FHIT: variants seen among roughly 807,000 people sequenced by gnomAD.
The protein encoded by FHIT is fragile histidine triad diadenosine triphosphatase, also known as bis(5'-adenosyl)-triphosphatase.
In FHIT, 19 loss-of-function variants were observed where a neutral mutation model predicts 17.9. That is an observed-to-expected ratio of 1.06 (90% confidence interval 0.74 to 1.56). The LOEUF (loss-of-function observed/expected upper bound fraction) is 1.56, where lower values mean the gene tolerates loss of function less well. Ranked by LOEUF, FHIT falls within the 40% of genes most tolerant of loss-of-function variation. FHIT has a pLI of 0.00. For missense variants in FHIT, 248 were observed against 189.2 expected (o/e 1.31, Z -1.82); for synonymous variants, 81 against 69.7 (o/e 1.16, Z -0.81).
At chr3:60,125,703 C>T (rs1211002710) in intron 5 of FHIT, among the ~76,000 whole-genome samples, 3 of 150,884 alleles carry the variant, frequency 2.0e-5, no homozygotes, top group African/African-American at 4.9e-5. Context: ...TATATATGTA[C>T]ACACACACGT....
At chr3:61,124,031 A>G (rs374162786) in intron 2 of FHIT, among the ~76,000 whole-genome samples, 8 of 152,300 alleles carry the variant, frequency 5.3e-5, no homozygotes, top group African/African-American at 1.9e-4. Context: ...ACTGAAAGCA[A>G]AAGTTATGAA....
chr3:60,340,309 T>G (rs7627733), intron 5 of FHIT, among the ~76,000 whole-genome samples: 1 of 152,180 alleles, frequency 6.6e-6, no homozygotes, highest in Non-Finnish European at 1.5e-5. Context: ...GAAAAACATA[T>G]GGCTTTCTTT....
At chr3:61,079,395 A>ATG (rs2035064546) in intron 2 of FHIT, among the ~76,000 whole-genome samples, 1 of 152,028 alleles carries the variant, frequency 6.6e-6, no homozygotes, top group Non-Finnish European at 1.5e-5. Context: ...AAATTTGGAT[A>ATG]CCAGTCTGTT....
chr3:59,853,686 G>T (rs1337947410), intron 8 of FHIT, among the ~76,000 whole-genome samples: 1 of 151,986 alleles, frequency 6.6e-6, no homozygotes, highest in African/African-American at 2.4e-5. Flanking sequence ...TCTATTGTGG[G>T]TGTGCATGTG....
chr3:60,091,725 G>C (rs576859533), intron 5 of FHIT, among the ~76,000 whole-genome samples: 110 of 152,174 alleles, frequency 7.2e-4, no homozygotes, highest in African/African-American at 2.5e-3. Context: ...CATGAGATCT[G>C]GCTGTTTAAA....
chr3:61,153,562 T>A (rs1043531906), intron 2 of FHIT, among the ~76,000 whole-genome samples: 2 of 152,134 alleles, frequency 1.3e-5, no homozygotes, highest in Admixed American at 6.5e-5. Context: ...ACATGACAGA[T>A]CATTTTGGTG....
chr3:60,661,625 C>T (rs1430793860), intron 4 of FHIT, among the ~76,000 whole-genome samples: 1 of 152,148 alleles, frequency 6.6e-6, no homozygotes, highest in Non-Finnish European at 1.5e-5. Flanking sequence ...TAAGGAATCT[C>T]CACGCTGTTT....
chr3:60,039,061 G>A (rs1408562252), intron 5 of FHIT, among the ~76,000 whole-genome samples: 1 of 152,118 alleles, frequency 6.6e-6, no homozygotes, highest in Non-Finnish European at 1.5e-5. Context: ...CCATCTCAGT[G>A]GCTTCTATAT....
intron 3 of FHIT, among the ~76,000 whole-genome samples, chr3:60,899,120 T>C (rs1553762588): frequency 1.3e-5 from 2 of 152,226 alleles, no homozygotes; most frequent in African/African-American, 4.8e-5. Flanking sequence ...CAGTTTAGGG[T>C]TCCAAAAGCT....
chr3:60,136,018 G>A (rs912035264), intron 5 of FHIT, among the ~76,000 whole-genome samples: 1 of 152,062 alleles, frequency 6.6e-6, no homozygotes, highest in Non-Finnish European at 1.5e-5. Flanking sequence ...GTAATTGCTG[G>A]TTTACTGTCC....
intron 8 of FHIT, among the ~76,000 whole-genome samples, chr3:59,919,662 A>G (rs906602999): frequency 1.3e-5 from 2 of 152,170 alleles, no homozygotes; most frequent in Admixed American, 6.5e-5. Context: ...ATAATTTTCT[A>G]TGTCTGCAGC....
intron 3 of FHIT, among the ~76,000 whole-genome samples, chr3:61,023,618 C>A (rs1038820105): frequency 2.0e-5 from 3 of 152,134 alleles, no homozygotes; most frequent in Admixed American, 6.5e-5. Flanking sequence ...ATTACAGTAA[C>A]CAAAACAGCA....
intron 5 of FHIT, among the ~76,000 whole-genome samples, chr3:60,229,042 A>C (rs1469023873): frequency 1.3e-5 from 2 of 152,188 alleles, no homozygotes; most frequent in East Asian, 1.9e-4. Context: ...CCTGACCCAC[A>C]TATTAATAAC....
intron 8 of FHIT, among the ~76,000 whole-genome samples, chr3:59,798,673 G>A (rs898941949): frequency 4.6e-5 from 7 of 152,232 alleles, no homozygotes; most frequent in Non-Finnish European, 8.8e-5. Context: ...CTTTGGGTTT[G>A]GGAAGACCCG....
At chr3:60,972,659 C>G (rs1009817095) in intron 3 of FHIT, among the ~76,000 whole-genome samples, 3 of 151,888 alleles carry the variant, frequency 2.0e-5, no homozygotes, top group African/African-American at 4.8e-5. Flanking sequence ...ACTTATGCCC[C>G]ATCTTCCCTG....
chr3:60,010,551 C>G (rs1008985027), intron 7 of FHIT, among the ~76,000 whole-genome samples: 1 of 152,204 alleles, frequency 6.6e-6, no homozygotes, highest in African/African-American at 2.4e-5. Context: ...AAGCATTAAA[C>G]TTTATTTCAA....
chr3:60,087,292 G>A (rs1271205987), intron 5 of FHIT, among the ~76,000 whole-genome samples: 3 of 152,160 alleles, frequency 2.0e-5, no homozygotes, highest in Non-Finnish European at 4.4e-5. Flanking sequence ...TGGTTGTGAA[G>A]ATCTTTGAAA....
At position 61,215,976 on chromosome 3, in the gene FHIT, T is replaced by C. The variant is rs573621188; in HGVS notation, c.-212-15311A>G. Among the ~76,000 whole-genome samples, 63 of 126,958 alleles carry C rather than the reference T, an allele frequency of 5.0e-4. No homozygotes were observed. In the South Asian group the frequency reaches 9.8e-3, roughly 20 times the overall value. 83.3% of individuals were successfully genotyped at this position (126,958 alleles called of 152,430 possible). A position where few individuals can be genotyped will look rare whatever the true frequency, so the allele number is the denominator to read the frequency against. On this transcript the variant is annotated intron_variant, in intron 1 of 9. Coordinates refer to ENST00000492590, the MANE Select transcript of FHIT (RefSeq NM_002012.4). ...GCTGAAACTGGATCCCTTCCTTACATCTTATACAAATTAATTCAAGATGCA... is the reference window on the plus strand; with the variant it reads ...GCTGAAACTGGATCCCTTCCTTACACCTTATACAAATTAATTCAAGATGCA...
intron 3 of FHIT, among the ~76,000 whole-genome samples, chr3:61,039,799 A>G (rs539934754): frequency 7.9e-5 from 12 of 152,264 alleles, no homozygotes; most frequent in East Asian, 3.9e-4. Context: ...ATGTATACCT[A>G]TGTAACAAAC....
Sources: gnomAD v4.1 joint callset for allele counts (sites outside exome capture counted in the v4.1 genomes callset) on GRCh38, gnomAD v4.1.1 for gene constraint, MANE v1.5 for transcripts, NCBI Gene and HGNC (gene_info 2026-07-23, HGNC 2026-07-21) for gene names.